Variants in COL25A1 observed in about 807,000 individuals in gnomAD.
COL25A1 encodes collagen alpha-1(XXV) chain.
In COL25A1, 103 loss-of-function variants were observed where a neutral mutation model predicts 128.4. The ratio of observed to expected loss-of-function variants is 0.80; its 90% CI spans 0.68 to 0.94. The LOEUF (loss-of-function observed/expected upper bound fraction) is 0.94, where lower values mean the gene tolerates loss of function less well. COL25A1 is among the 40% of genes least tolerant of loss of function. The pLI is 0.00. For missense variants in COL25A1, 745 were observed against 840.0 expected, an observed-to-expected ratio of 0.89 and a Z score of 1.40; for synonymous variants, 279 against 277.2, an observed-to-expected ratio of 1.01 and a Z score of -0.06.
At chr4:109,046,138 G>T (rs1164578987) in intron 5 of COL25A1, among the ~76,000 whole-genome samples, 2 of 152,168 alleles carry the variant, frequency 1.3e-5, no homozygotes, top group African/African-American at 4.8e-5. Flanking sequence ...TAACCTCTAT[G>T]AGCCTCAGTT....
At chr4:108,909,504 T>C (rs1423556816) in intron 13 of COL25A1, among the ~76,000 whole-genome samples, 1 of 152,184 alleles carries the variant, frequency 6.6e-6, no homozygotes, top group Non-Finnish European at 1.5e-5. Flanking sequence ...AGAAAACATG[T>C]TAGTTGTATC....
intron 3 of COL25A1, among the ~76,000 whole-genome samples, chr4:109,232,294 A>T (rs1779211577): frequency 6.6e-6 from 1 of 152,166 alleles, no homozygotes; most frequent in Admixed American, 6.6e-5. Flanking sequence ...ATTTTCTAAC[A>T]TGACACACTG....
intron 3 of COL25A1, among the ~76,000 whole-genome samples, chr4:109,050,571 C>A (rs1382219661): frequency 6.6e-6 from 1 of 151,948 alleles, no homozygotes; most frequent in East Asian, 1.9e-4. Context: ...AGTACTAAGT[C>A]CAAATGATTT....
intron 24 of COL25A1, among the ~76,000 whole-genome samples, chr4:108,854,994 G>A (rs190980550): frequency 6.6e-6 from 1 of 151,998 alleles, no homozygotes; most frequent in South Asian, 2.1e-4. Flanking sequence ...ACATTTTTCT[G>A]GTCTAGGTTC....
In COL25A1 at chr4:109,121,964, G is replaced by A. The variant is rs1180592250; in HGVS notation, c.368-71785C>T. Reference sequence around the variant, plus strand: ...AGGCTAAAAAGAGATGAGCTATCAAGCCATGAACAGACATGGATGAAACTT... The same window carrying A: ...AGGCTAAAAAGAGATGAGCTATCAAACCATGAACAGACATGGATGAAACTT... On this transcript the variant is annotated intron_variant, in intron 3 of 37. Coordinates refer to ENST00000399132, the MANE Select transcript of COL25A1 (RefSeq NM_198721.4). Among the ~76,000 whole-genome samples, 4 of 152,192 alleles carry A rather than the reference G, an allele frequency of 2.6e-5. No individual in the cohort carries two copies. The East Asian group carries it at 7.7e-4, about 29-fold the overall frequency.
chr4:108,878,167 T>G (rs1739685982), intron 19 of COL25A1, among the ~76,000 whole-genome samples: 1 of 152,026 alleles, frequency 6.6e-6, no homozygotes, highest in Non-Finnish European at 1.5e-5. Context: ...AATCTCTGGT[T>G]TTTTCATTTT....
intron 3 of COL25A1, among the ~76,000 whole-genome samples, chr4:109,190,413 G>A (rs1775504980): frequency 6.6e-6 from 1 of 152,122 alleles, no homozygotes; most frequent in Non-Finnish European, 1.5e-5. Flanking sequence ...AAGGAGGGAA[G>A]AAGGGAGGGA....
intron 3 of COL25A1, among the ~76,000 whole-genome samples, chr4:109,112,306 T>A (rs1211840478): frequency 6.6e-6 from 1 of 152,124 alleles, no homozygotes; most frequent in Non-Finnish European, 1.5e-5. Context: ...GGGAAGTAGA[T>A]GGAATGAAAG....
At chr4:109,229,095 A>G (rs1778992085) in intron 3 of COL25A1, among the ~76,000 whole-genome samples, 1 of 152,230 alleles carries the variant, frequency 6.6e-6, no homozygotes, top group South Asian at 2.1e-4. Context: ...GAAAACCCCC[A>G]GAGAGGCATC....
At chr4:109,070,229 C>A (rs375983995) in intron 3 of COL25A1, among the ~76,000 whole-genome samples, 6 of 150,848 alleles carry the variant, frequency 4.0e-5, no homozygotes, top group African/African-American at 1.2e-4. Context: ...GCCTGGGAGA[C>A]AGAGCGAGAC....
intron 5 of COL25A1, among the ~76,000 whole-genome samples, chr4:109,022,729 G>A (rs1757887910): frequency 6.6e-6 from 1 of 152,158 alleles, no homozygotes; most frequent in Non-Finnish European, 1.5e-5. Context: ...GTATTTACCA[G>A]CACAAATATT....
rs750285532 is a variant in COL25A1, at chr4:108,863,321, T to G, written c.1150A>C (p.Lys384Gln). The stretch of plus-strand genomic sequence containing the variant: ...TTTCCAGTTTAAGAATAACTCACCT[T>G]TGGTCCGGGGGCTCCAGGTTCCCCT... ...ERGEPGAPGPKGKQGESGTRG... is the reference protein window; with the variant it reads ...ERGEPGAPGPQGKQGESGTRG... Residue 384 changes from lysine to glutamine, a missense_variant and splice_region_variant, in exon 21 of 38, where the codon AAG (lysine) becomes CAG (glutamine). Lys to Gln is a moderately conservative substitution (Grantham distance 53). This residue lies in a region of COL25A1 where 387 missense variants were observed against 441.9 expected (regional missense o/e 0.88). Coordinates refer to ENST00000399132, the MANE Select transcript of COL25A1 (RefSeq NM_198721.4). 2.5e-6 allele frequency: 4 copies of G among 1,613,696 alleles called. No individual in the cohort carries two copies. Among genetic ancestry groups the G allele is most frequent in the Non-Finnish European group, 3.4e-6 (4 of 1,179,758 alleles).
intron 8 of COL25A1, among the ~76,000 whole-genome samples, chr4:108,951,537 C>A (rs1477689216): frequency 6.6e-6 from 1 of 151,910 alleles, no homozygotes; most frequent in Admixed American, 6.6e-5. Context: ...AGGTGCCCAC[C>A]ACCACGCCCG....
chr4:109,004,178 T>A (rs987457576), intron 6 of COL25A1, among the ~76,000 whole-genome samples: 2 of 152,352 alleles, frequency 1.3e-5, no homozygotes, highest in East Asian at 3.9e-4. Context: ...TCCTTTCTTA[T>A]TTAATTTCAT....
intron 19 of COL25A1, among the ~76,000 whole-genome samples, chr4:108,879,638 G>C (rs1372424361): frequency 1.3e-5 from 2 of 152,002 alleles, no homozygotes; most frequent in Non-Finnish European, 2.9e-5. Flanking sequence ...GTAGAGATGT[G>C]GTTTCACCAT....
At chr4:108,877,465 T>C (rs887310876) in intron 19 of COL25A1, among the ~76,000 whole-genome samples, 2 of 152,114 alleles carry the variant, frequency 1.3e-5, no homozygotes, top group East Asian at 3.9e-4. Flanking sequence ...CACACAGAAA[T>C]GATGTAAACT....
chr4:108,936,708 CAGG>C (rs1288085725), intron 11 of COL25A1, among the ~76,000 whole-genome samples: 1 of 151,570 alleles, frequency 6.6e-6, no homozygotes, highest in African/African-American at 2.4e-5. Context: ...GCTGACTCCC[CAGG>C]AGAGCTGCTG....
chr4:108,992,259 C>A (rs1041183349), intron 6 of COL25A1, among the ~76,000 whole-genome samples: 2 of 152,132 alleles, frequency 1.3e-5, no homozygotes, highest in Non-Finnish European at 2.9e-5. Flanking sequence ...TTGAAACTAA[C>A]AATTTTATGC....
chr4:109,054,105 G>C (rs1378583782), intron 3 of COL25A1, among the ~76,000 whole-genome samples: 1 of 152,174 alleles, frequency 6.6e-6, no homozygotes, highest in Non-Finnish European at 1.5e-5. Context: ...ATAAACATTA[G>C]CTCCCACTTT....
Sources: allele counts gnomAD v4.1 joint callset (sites outside exome capture counted in the v4.1 genomes callset), GRCh38; gene constraint gnomAD v4.1.1; regional missense constraint gnomAD v4.1.1; transcripts MANE v1.5; gene names NCBI Gene and HGNC (gene_info 2026-07-23, HGNC 2026-07-21).